Variants in TSPAN5 observed in about 807,000 individuals in gnomAD.
TSPAN5 encodes the protein tetraspanin-5.
TSPAN5 carries 10 observed loss-of-function variants against 37.1 expected under a neutral mutation model. The observed-to-expected ratio is 0.27, with a 90% CI of 0.17 to 0.46. The LOEUF is 0.46. Ranked by LOEUF, TSPAN5 falls within the 20% of genes least tolerant of loss-of-function variation. The probability of loss-of-function intolerance (pLI) is 1.00; values close to 1 mark genes in which losing one functional copy is unlikely to be tolerated. For missense variants in TSPAN5, 195 were observed against 326.6 expected, an observed-to-expected ratio of 0.60 and a Z score of 3.11; for synonymous variants, 110 against 118.9, an observed-to-expected ratio of 0.93 and a Z score of 0.48.
chr4:98,483,413 AACATCTACTGAATG>A (rs1752890091), intron 3 of TSPAN5: 1 of 152,228 alleles, frequency 6.6e-6, no homozygotes. Flanking sequence ...TCATTCAGCA[AACATCTACTGAATG>A]ACCCACAATG....
At chr4:98,565,311 A>G (rs1754978212) in intron 1 of TSPAN5, among the ~76,000 whole-genome samples, 1 of 152,206 alleles carries the variant, frequency 6.6e-6, no homozygotes, top group Non-Finnish European at 1.5e-5. Context: ...CATGTTTCAT[A>G]TAACTGTTGA....
chr4:98,567,041 C>T (rs1317786290), intron 1 of TSPAN5, among the ~76,000 whole-genome samples: 1 of 152,196 alleles, frequency 6.6e-6, no homozygotes, highest in African/African-American at 2.4e-5. Context: ...CAAAGCTGCC[C>T]CCCAGGGTTT....
chr4:98,592,296 T>C (rs1368996526), intron 1 of TSPAN5, among the ~76,000 whole-genome samples: 1 of 149,556 alleles, frequency 6.7e-6, no homozygotes, highest in Non-Finnish European at 1.5e-5. Context: ...AGAACCAGTA[T>C]GGAATCGCTC....
chr4:98,622,400 A>C (rs1465609745), intron 1 of TSPAN5, among the ~76,000 whole-genome samples: 2 of 152,170 alleles, frequency 1.3e-5, no homozygotes, highest in African/African-American at 2.4e-5. Context: ...TTATTTGAAC[A>C]CCTGTTTTCA....
rs1752764593 is a variant in TSPAN5, at chr4:98,478,739, A to G, written c.522T>C (p.Asn174=). 1.2e-6 allele frequency: 2 copies of G among 1,614,184 alleles called. No individual in the cohort carries two copies. The highest frequency in any genetic ancestry group is 1.7e-6 in the Non-Finnish European group (2 of 1,180,042). The change falls in exon 5 of 8, where the codon AAT becomes AAC. Residue 174 remains asparagine, a synonymous_variant. Coordinates refer to ENST00000305798, the MANE Select transcript of TSPAN5 (RefSeq NM_005723.4). ...GAACGCCACATCGCTCTCGACTTGC[A>G]TTGGAATCTGTGCAATTGAAGTAAA... The part of the protein sequence containing the change: ...LNIYFNCTDS[N]ASRERCGVPF...
At chr4:98,567,951 C>T (rs552580932) in intron 1 of TSPAN5, among the ~76,000 whole-genome samples, 1 of 152,108 alleles carries the variant, frequency 6.6e-6, no homozygotes, top group Admixed American at 6.5e-5. Flanking sequence ...GTTTCACTTT[C>T]TTCATCTGTA....
intron 1 of TSPAN5, among the ~76,000 whole-genome samples, chr4:98,546,397 G>A (rs1403995353): frequency 1.3e-5 from 2 of 152,158 alleles, no homozygotes; most frequent in East Asian, 3.8e-4. Context: ...CCTGAGAGGT[G>A]TTTTCCAACT....
At chr4:98,533,964 C>CAAAAAAAAAAAA (rs1560526857) in intron 1 of TSPAN5, among the ~76,000 whole-genome samples, 3 of 22,294 alleles carry the variant, frequency 1.3e-4, no homozygotes, top group Non-Finnish European at 2.3e-4. Context: ...AAAAAAAAAC[C>CAAAAAAAAAAAA]AGCTCCTGGA....
chr4:98,592,293 G>C (rs1755654644), intron 1 of TSPAN5, among the ~76,000 whole-genome samples: 1 of 149,364 alleles, frequency 6.7e-6, no homozygotes, highest in African/African-American at 2.5e-5. Flanking sequence ...GACAGAACCA[G>C]TATGGAATCG....
chr4:98,623,529 G>C (rs1756528136), intron 1 of TSPAN5, among the ~76,000 whole-genome samples: 1 of 152,166 alleles, frequency 6.6e-6, no homozygotes, highest in African/African-American at 2.4e-5. Flanking sequence ...AAAAGCCATA[G>C]TTCCAGAGAT....
intron 1 of TSPAN5, among the ~76,000 whole-genome samples, chr4:98,585,663 A>G (rs1755471401): frequency 6.6e-6 from 1 of 152,190 alleles, no homozygotes; most frequent in South Asian, 2.1e-4. Flanking sequence ...TCCACTTGTA[A>G]GTGGGAACAT....
At chr4:98,552,917 T>G (rs1445877398) in intron 1 of TSPAN5, among the ~76,000 whole-genome samples, 1 of 152,212 alleles carries the variant, frequency 6.6e-6, no homozygotes, top group Non-Finnish European at 1.5e-5. Flanking sequence ...AAATTTAGGA[T>G]TCTGTGCTTC....
chr4:98,504,726 C>T (rs1011514314), intron 2 of TSPAN5, among the ~76,000 whole-genome samples: 2 of 152,240 alleles, frequency 1.3e-5, no homozygotes, highest in Non-Finnish European at 2.9e-5. Context: ...GAAATGGCAT[C>T]TCAGAGAAGT....
At position 98,546,226 on chromosome 4, in the gene TSPAN5, C is replaced by A. The variant is rs141876341; in HGVS notation, c.82-38498G>T. Among the ~76,000 whole-genome samples, 130 of 152,316 alleles carry A rather than the reference C, an allele frequency of 8.5e-4. 1 individual carries two copies. Among genetic ancestry groups the A allele is most frequent in the African/African-American group, 3.0e-3 (125 of 41,552 alleles). ...GCAAGCATATTCTAACTAGAACATT[C>A]GCTCTTAAATCACTATGCTCTACTC... On this transcript the variant is annotated intron_variant, in intron 1 of 7. Transcript: ENST00000305798.
At chr4:98,476,645 T>C (rs1752704720) in intron 5 of TSPAN5, among the ~76,000 whole-genome samples, 185 bp from the exon 6 acceptor site, 1 of 152,178 alleles carries the variant, frequency 6.6e-6, no homozygotes, top group African/African-American at 2.4e-5. Context: ...TCTTCAGAAG[T>C]AGGTATTAAA....
chr4:98,575,478 G>A (rs920655931), intron 1 of TSPAN5, among the ~76,000 whole-genome samples: 1 of 150,590 alleles, frequency 6.6e-6, no homozygotes, highest in East Asian at 2.0e-4. Context: ...AAGTTTGAAA[G>A]CCCCCAGTGA....
At chr4:98,629,344 T>G (rs1392938954) in intron 1 of TSPAN5, among the ~76,000 whole-genome samples, 1 of 152,146 alleles carries the variant, frequency 6.6e-6, no homozygotes, top group African/African-American at 2.4e-5. Flanking sequence ...ATGTGAAAAA[T>G]AATAGTGCAG....
intron 1 of TSPAN5, among the ~76,000 whole-genome samples, chr4:98,614,789 T>A (rs1756282240): frequency 6.6e-6 from 1 of 152,204 alleles, no homozygotes; most frequent in Non-Finnish European, 1.5e-5. Flanking sequence ...TGCCATCTTC[T>A]TTCAATCCTG....
At chr4:98,640,875 T>G (rs1478104711) in intron 1 of TSPAN5, among the ~76,000 whole-genome samples, 1 of 152,168 alleles carries the variant, frequency 6.6e-6, no homozygotes, top group African/African-American at 2.4e-5. Flanking sequence ...ACGTCAGCAT[T>G]CACTGAGTGC....
Sources: allele counts gnomAD v4.1 joint callset (sites outside exome capture counted in the v4.1 genomes callset), GRCh38; gene constraint gnomAD v4.1.1; transcripts MANE v1.5; gene names NCBI Gene and HGNC (gene_info 2026-07-23, HGNC 2026-07-21).